The following NSMCE1 variants were observed in gnomAD, a reference collection of about 807,000 sequenced individuals.
NSMCE1 encodes non-structural maintenance of chromosomes element 1 homolog.
NSMCE1 carries 18 observed loss-of-function variants against 29.6 expected under a neutral mutation model. That is an observed-to-expected ratio of 0.61 (90% CI 0.42 to 0.90). The LOEUF (loss-of-function observed/expected upper bound fraction) is 0.90, where lower values mean the gene tolerates loss of function less well. Ranked by LOEUF, NSMCE1 falls within the 40% of genes least tolerant of loss-of-function variation. The pLI is 0.00. For synonymous variants in NSMCE1, 124 were observed against 133.4 expected (o/e 0.93, Z 0.49); for missense variants, 314 against 343.6 (o/e 0.91, Z 0.68).
intron 1 of NSMCE1, among the ~76,000 whole-genome samples, chr16:27,260,423 A>G (rs956873384): frequency 6.6e-6 from 1 of 152,190 alleles, no homozygotes; most frequent in Admixed American, 6.5e-5. Context: ...ATGAGAAAAA[A>G]TAATGGAAAG....
intron 1 of NSMCE1, among the ~76,000 whole-genome samples, chr16:27,267,030 A>C (rs1224628865): frequency 1.3e-5 from 2 of 152,164 alleles, no homozygotes; most frequent in Non-Finnish European, 1.5e-5. Flanking sequence ...AGGCAGAATT[A>C]TCTCTCTGCA....
chr16:27,254,376 C>T (rs1026437721), intron 2 of NSMCE1, among the ~76,000 whole-genome samples: 1 of 152,154 alleles, frequency 6.6e-6, no homozygotes, highest in African/African-American at 2.4e-5. Context: ...ACACATTCTA[C>T]AGGACTTTCC....
chr16:27,250,644 T>C (rs1352495375), intron 2 of NSMCE1, among the ~76,000 whole-genome samples: 1 of 151,414 alleles, frequency 6.6e-6, no homozygotes, highest in Non-Finnish European at 1.5e-5. Context: ...ATAACAAAAA[T>C]TCGTCGGGCG....
At chr16:27,252,854 G>A (rs1226625757) in intron 2 of NSMCE1, among the ~76,000 whole-genome samples, 1 of 152,190 alleles carries the variant, frequency 6.6e-6, no homozygotes, top group Non-Finnish European at 1.5e-5. Context: ...GGGAGGCAGA[G>A]GTTGCAGTGA....
intron 1 of NSMCE1, among the ~76,000 whole-genome samples, chr16:27,263,373 A>C (rs2084183407): frequency 6.6e-6 from 1 of 152,242 alleles, no homozygotes; most frequent in South Asian, 2.1e-4. Context: ...ATAAAGAAGA[A>C]TGAGATGATG....
At chr16:27,230,308 C>G (rs2083749616) in intron 5 of NSMCE1, among the ~76,000 whole-genome samples, 3 of 152,176 alleles carry the variant, frequency 2.0e-5, no homozygotes, top group Admixed American at 2.0e-4. Flanking sequence ...TGTCAGTGGG[C>G]CCCTGGCTAT....
At chr16:27,236,503 G>A (rs2083827327) in intron 2 of NSMCE1, among the ~76,000 whole-genome samples, 1 of 151,882 alleles carries the variant, frequency 6.6e-6, no homozygotes, top group Admixed American at 6.6e-5. Flanking sequence ...TACCATGTTG[G>A]CCAGGCTGGT....
chr16:27,263,908 A>G (rs2084191022), intron 1 of NSMCE1, among the ~76,000 whole-genome samples: 1 of 152,250 alleles, frequency 6.6e-6, no homozygotes, highest in African/African-American at 2.4e-5. Flanking sequence ...ATGCAATTGA[A>G]TCAATGCTAT....
At chr16:27,234,504 T>G (rs2083797966) in intron 3 of NSMCE1, among the ~76,000 whole-genome samples, 1 of 152,222 alleles carries the variant, frequency 6.6e-6, no homozygotes, top group South Asian at 2.1e-4. Context: ...TGCAGTATTT[T>G]CCAAACTCAG....
chr16:27,239,767 A>C (rs368699286), intron 2 of NSMCE1, among the ~76,000 whole-genome samples: 37 of 152,302 alleles, frequency 2.4e-4, no homozygotes, highest in Middle Eastern at 3.4e-3. Flanking sequence ...TACCCTAGCC[A>C]GGACAACCAG....
chr16:27,232,718 A>G lies in NSMCE1; in HGVS notation c.483+283T>C, dbSNP rs762004457. ...TGCCCTGCCTTGCAGTCTGTGGGCT[A>G]GAGCCTTGATCCTGGGGCCCAAGTC... is the stretch of plus-strand genomic sequence containing the variant. On this transcript the variant is annotated intron_variant, in intron 5 of 7. Transcript: ENST00000361439. The surrounding 1 kb of genome is among the most constrained non-coding windows in gnomAD (Gnocchi z 4.5). Among the ~76,000 whole-genome samples, 11 of 152,256 alleles carry G rather than the reference A, an allele frequency of 7.2e-5. No homozygotes were observed. Among genetic ancestry groups the G allele is most frequent in the Non-Finnish European group, 1.2e-4 (8 of 68,038 alleles).
intron 7 of NSMCE1, 74 bp downstream of exon 7, chr16:27,225,652 A>G (rs980407065): frequency 6.3e-7 from 1 of 1,588,718 alleles, no homozygotes; most frequent in Admixed American, 1.7e-5. Flanking sequence ...CCCTGTCTCC[A>G]AGGGCTTCCC....
chr16:27,226,881 C>G, intron 5 of NSMCE1, 45 bp from the exon 6 acceptor site: 1 of 1,143,114 alleles, frequency 8.7e-7, no homozygotes, highest in East Asian at 2.3e-5. Flanking sequence ...CAGGCCCTCT[C>G]CCCATTCACC....
chr16:27,231,082 T>C (rs1015154435), intron 5 of NSMCE1, among the ~76,000 whole-genome samples: 3 of 152,252 alleles, frequency 2.0e-5, no homozygotes, highest in Admixed American at 1.3e-4. Flanking sequence ...TACTGGGATG[T>C]TGGGGCACTC....
At chr16:27,266,583 C>T (rs1216953757) in intron 1 of NSMCE1, 1 of 151,696 alleles carries the variant, frequency 6.6e-6, no homozygotes, top group Admixed American at 6.6e-5. Flanking sequence ...CGTCACTGCA[C>T]TCTAGCCTGG....
At chr16:27,248,723 G>A (rs941826236) in intron 2 of NSMCE1, among the ~76,000 whole-genome samples, 3 of 150,574 alleles carry the variant, frequency 2.0e-5, no homozygotes, top group African/African-American at 7.3e-5. Context: ...TTTTTTAAAT[G>A]TCTAATGATG....
Position 27,232,395 on chromosome 16 carries a change from T to C in NSMCE1, c.483+606A>G, listed in dbSNP as rs1485407412. Among the ~76,000 whole-genome samples the C allele has an allele frequency of 2.0e-5, 3 of 152,222 alleles. No homozygotes were observed. The highest frequency in any genetic ancestry group is 4.4e-5 in the Non-Finnish European group (3 of 68,034). ...TAGAAACTGGAGCTGCAGTGGGGCC[T>C]GTCCCAGATGTCACAGCTCCTTTCC... On this transcript the variant is annotated intron_variant, in intron 5 of 7. Coordinates refer to ENST00000361439, the MANE Select transcript of NSMCE1 (RefSeq NM_145080.4). This position sits in a 1 kb window ranked among gnomAD's most constrained non-coding sequence, Gnocchi z 4.5.
At chr16:27,267,853 C>T (rs1358484147) in intron 1 of NSMCE1, among the ~76,000 whole-genome samples, 2 of 151,876 alleles carry the variant, frequency 1.3e-5, no homozygotes, top group African/African-American at 4.8e-5. Flanking sequence ...CTCAGCCTTC[C>T]GTCTCAGCCT....
intron 2 of NSMCE1, among the ~76,000 whole-genome samples, chr16:27,243,018 G>A (rs1486250592): frequency 6.6e-6 from 1 of 152,226 alleles, no homozygotes; most frequent in Non-Finnish European, 1.5e-5. Flanking sequence ...GATGCCTACA[G>A]AGGCAGGCAG....
Sources: allele counts gnomAD v4.1 joint callset (sites outside exome capture counted in the v4.1 genomes callset), GRCh38; gene constraint gnomAD v4.1.1; non-coding constraint Gnocchi (gnomAD v3.1); transcripts MANE v1.5; gene names NCBI Gene and HGNC (gene_info 2026-07-23, HGNC 2026-07-21).